The following ZNF385C variants were observed in gnomAD, a reference collection of about 807,000 sequenced individuals.
ZNF385C encodes the protein zinc finger protein 385C, also known as CTD-2132N18.2.
Under a neutral mutation model 35.4 loss-of-function variants are expected in ZNF385C, and 28 were observed. The observed-to-expected ratio is 0.79, with a 90% CI of 0.59 to 1.08. The LOEUF (loss-of-function observed/expected upper bound fraction) is 1.08. Ranked by LOEUF, ZNF385C falls within the 50% of genes least tolerant of loss-of-function variation. The pLI, the probability that ZNF385C is intolerant of heterozygous loss-of-function variation, is 0.00. For missense variants in ZNF385C, 605 were observed against 595.6 expected (o/e 1.02, Z -0.16); for synonymous variants, 248 against 248.2 (o/e 1.00, Z 0.01).
chr17:42,052,143 G>C (rs781837465), intron 2 of ZNF385C, among the ~76,000 whole-genome samples: 4 of 152,184 alleles, frequency 2.6e-5, no homozygotes, highest in Admixed American at 6.6e-5. Context: ...TGCCTCAAGA[G>C]GGTGGGGTGT....
intron 2 of ZNF385C, among the ~76,000 whole-genome samples, chr17:42,041,523 T>C (rs1197930560): frequency 6.6e-6 from 1 of 152,210 alleles, no homozygotes; most frequent in Non-Finnish European, 1.5e-5. Context: ...TTGTGAATTA[T>C]AAACATCAAC....
chr17:42,048,891 G>A (rs970760650), intron 2 of ZNF385C, among the ~76,000 whole-genome samples: 5 of 150,766 alleles, frequency 3.3e-5, no homozygotes, highest in African/African-American at 4.9e-5. Context: ...TTAGTGAGCC[G>A]AGATCATGCC....
At chr17:42,044,220 AT>A (rs2053096597) in intron 2 of ZNF385C, among the ~76,000 whole-genome samples, 1 of 142,012 alleles carries the variant, frequency 7.0e-6, no homozygotes, top group Non-Finnish European at 1.5e-5. Context: ...TTGAGGCAGG[AT>A]TGCTTGAGCC....
chr17:42,040,455 G>A, intron 2 of ZNF385C: 2 of 1,232,168 alleles, frequency 1.6e-6, no homozygotes, highest in Non-Finnish European at 2.0e-6. Flanking sequence ...GCTGCAGCAA[G>A]GCCAAGTCCG....
At chr17:42,027,573 T>TCCCCCCCCCCCC in intron 8 of ZNF385C, 45 bp downstream of exon 8, 1 of 298,866 alleles carries the variant, frequency 3.3e-6, no homozygotes, top group South Asian at 3.4e-5. Context: ...GCCCACCCTC[T>TCCCCCCCCCCCC]CCCCTCCTGA....
At chr17:42,080,872 G>A (rs2053740745) in intron 1 of ZNF385C, among the ~76,000 whole-genome samples, 1 of 152,234 alleles carries the variant, frequency 6.6e-6, no homozygotes, top group African/African-American at 2.4e-5. Context: ...GAAGGCAGGG[G>A]AGGGTGAAGG....
chr17:42,093,706 G>A (rs962922793), intron 1 of ZNF385C, among the ~76,000 whole-genome samples: 2 of 150,616 alleles, frequency 1.3e-5, no homozygotes, highest in African/African-American at 4.9e-5. Context: ...TCAGTCTCCC[G>A]AGTACCTGGG....
At chr17:42,048,977 C>T (rs938030156) in intron 2 of ZNF385C, among the ~76,000 whole-genome samples, 1 of 152,058 alleles carries the variant, frequency 6.6e-6, no homozygotes, top group African/African-American at 2.4e-5. Context: ...CTTTAGACCC[C>T]TCCACAACCA....
At chr17:42,039,593 C>G (rs1167469260) in intron 2 of ZNF385C, 3 of 1,039,002 alleles carry the variant, frequency 2.9e-6, no homozygotes, top group Admixed American at 8.5e-5. Context: ...GCCTCAGGCC[C>G]CTGGGAGGCT....
At chr17:42,069,042 A>ATCTG (rs781812158) in intron 1 of ZNF385C, among the ~76,000 whole-genome samples, 43 of 152,304 alleles carry the variant, frequency 2.8e-4, no homozygotes, top group Admixed American at 1.1e-3. Flanking sequence ...GTACCCATCC[A>ATCTG]TCTGTCTGTC....
At position 42,026,683 on chromosome 17, in the gene ZNF385C, A is replaced by C; in HGVS notation, c.*214T>G. The C allele has an allele frequency of 1.7e-6, 1 of 602,462 alleles. No homozygotes were observed. The allele number at this position is 602,462 out of a possible 1,614,324, so 37.3% of individuals were successfully genotyped here. On this transcript the variant is annotated 3_prime_UTR_variant, in exon 9 of 9. Coordinates refer to ENST00000692273, the MANE Select transcript of ZNF385C (RefSeq NM_001392013.1). ...GTCTGTCAGGGTGGGAAATGCAGGC[A>C]AGCCTAGGATTAACCCTGGAAGGCC...
At chr17:42,047,029 ATTTTTTTT>A (rs60694132) in intron 2 of ZNF385C, among the ~76,000 whole-genome samples, 14 of 116,604 alleles carry the variant, frequency 1.2e-4, no homozygotes, top group African/African-American at 4.6e-4. Flanking sequence ...TGCCCGGCTA[ATTTTTTTT>A]TTTTTTTTTT....
At position 42,028,163 on chromosome 17, in the gene ZNF385C, C is replaced by T. The variant is rs781906345; in HGVS notation, c.1051G>A (p.Gly351Arg). The T allele has an allele frequency of 1.7e-5, 28 of 1,608,570 alleles. No homozygotes were observed. Among genetic ancestry groups the T allele is most frequent in the South Asian group, 5.5e-5 (5 of 90,716 alleles). ...CCTGTGACTCTCTTGGCTTTGTGTCCGGCACCTCCCCTGGACACCGGGCGG... is the reference window on the plus strand; with the variant it reads ...CCTGTGACTCTCTTGGCTTTGTGTCTGGCACCTCCCCTGGACACCGGGCGG... ...RGRPVSRGGAGHKAKRVTGGR... is the reference protein window; with the variant it reads ...RGRPVSRGGARHKAKRVTGGR... Residue 351 changes from glycine to arginine, a missense_variant, in exon 7 of 9, where the codon GGA (glycine) becomes AGA (arginine). Gly to Arg is a moderately radical substitution (Grantham distance 125). Coordinates refer to ENST00000692273, the MANE Select transcript of ZNF385C (RefSeq NM_001392013.1).
At chr17:42,028,702 G>T (rs1008978216) in intron 6 of ZNF385C, 81 bp downstream of exon 6, 3 of 1,468,300 alleles carry the variant, frequency 2.0e-6, no homozygotes, top group South Asian at 1.4e-5. Flanking sequence ...AAGCACCCAG[G>T]AACTCAAGCC....
At chr17:42,054,303 C>T (rs2053336351) in intron 2 of ZNF385C, among the ~76,000 whole-genome samples, 1 of 152,198 alleles carries the variant, frequency 6.6e-6, no homozygotes, top group Non-Finnish European at 1.5e-5. Context: ...CTCTTGCCGC[C>T]CTCTTGCCTC....
rs372915983 is a variant in ZNF385C, at chr17:42,026,992, G to A, written c.1417C>T (p.Leu473Phe). Residue 473 changes from leucine (L) to phenylalanine (F), a missense_variant, in exon 9 of 9, where the codon CTC becomes TTC. Leu to Phe is a conservative substitution (Grantham distance 22). Coordinates refer to ENST00000692273, the MANE Select transcript of ZNF385C (RefSeq NM_001392013.1). Reference protein sequence around the residue: ...LRPAPTAATTLFPAPILGPAL... With the variant: ...LRPAPTAATTFFPAPILGPAL... Reference sequence around the variant, plus strand: ...GGGCCCAGGATGGGAGCCGGGAAGAGGGTAGTGGCTGCTGTAGGGGCAGGG... The same window carrying A: ...GGGCCCAGGATGGGAGCCGGGAAGAAGGTAGTGGCTGCTGTAGGGGCAGGG... 333 of 1,611,004 alleles carry A rather than the reference G, an allele frequency of 2.1e-4. No individual in the cohort carries two copies. Among genetic ancestry groups the A allele is most frequent in the Non-Finnish European group, 2.5e-4 (292 of 1,178,418 alleles).
intron 1 of ZNF385C, among the ~76,000 whole-genome samples, chr17:42,067,323 C>G (rs1555658513): frequency 6.6e-6 from 1 of 152,168 alleles, no homozygotes; most frequent in Non-Finnish European, 1.5e-5. Flanking sequence ...GCCTGTGGCA[C>G]TTTGTTATGG....
At chr17:42,043,012 A>G in intron 2 of ZNF385C, 1 of 1,232,252 alleles carries the variant, frequency 8.1e-7, no homozygotes, top group Non-Finnish European at 1.0e-6. Context: ...GTCTAACTCC[A>G]CCTTGACGCC....
intron 8 of ZNF385C, 137 bp downstream of exon 8, chr17:42,027,481 T>C (rs2052613462): frequency 2.6e-6 from 2 of 768,696 alleles, no homozygotes; most frequent in Non-Finnish European, 4.1e-6. Flanking sequence ...TTCCCAGGCC[T>C]AGCTCTGTCA....
Sources: gnomAD v4.1 joint callset for allele counts (sites outside exome capture counted in the v4.1 genomes callset) on GRCh38, gnomAD v4.1.1 for gene constraint, MANE v1.5 for transcripts, NCBI Gene and HGNC (gene_info 2026-07-23, HGNC 2026-07-21) for gene names.